Variants in CTSO observed in about 807,000 individuals in gnomAD.
CTSO encodes cathepsin O.
Under a neutral mutation model 42.4 loss-of-function variants are expected in CTSO, and 40 were observed. The ratio of observed to expected loss-of-function variants is 0.94; its 90% CI spans 0.73 to 1.23. The LOEUF is 1.23. Among genes scored for constraint, CTSO ranks in the 50% most tolerant of loss-of-function variants. The probability of loss-of-function intolerance (pLI) is 0.00; values close to 1 mark genes in which losing one functional copy is unlikely to be tolerated. For missense variants in CTSO, 441 were observed against 396.0 expected (o/e 1.11, Z -0.96); for synonymous variants, 156 against 146.2 (o/e 1.07, Z -0.48).
intron 5 of CTSO, among the ~76,000 whole-genome samples, chr4:155,930,918 C>T (rs1743223728): frequency 6.6e-6 from 1 of 152,102 alleles, no homozygotes; most frequent in Admixed American, 6.6e-5. Flanking sequence ...CTGAGACAGG[C>T]AAAATTGTAA....
chr4:155,944,238 GTTTATT>G (rs1743495464), intron 1 of CTSO, among the ~76,000 whole-genome samples: 1 of 152,058 alleles, frequency 6.6e-6, no homozygotes, highest in African/African-American at 2.4e-5. Flanking sequence ...ACTTTAAGCT[GTTTATT>G]TTTAAGTAAA....
chr4:155,943,215 T>G lies in CTSO; in HGVS notation c.185A>C (p.Asn62Thr), dbSNP rs1049401381. Residue 62 changes from asparagine to threonine, a missense_variant, in exon 2 of 8, where the codon AAC becomes ACC. Physicochemically the swap from Asn to Thr is moderately conservative, Grantham distance 65 (BLOSUM62 0). Coordinates refer to ENST00000433477, the MANE Select transcript of CTSO (RefSeq NM_001334.3). ...ATTTATTCCATAGAAGGCGGTGGAG[T>G]TTTCACTGGGAAATAAAGAATTCAA... ...RYLNSLFPSE[N>T]STAFYGINQF... 9 of 1,612,140 alleles carry G rather than the reference T, an allele frequency of 5.6e-6. No homozygotes were observed. Among genetic ancestry groups the G allele is most frequent in the Non-Finnish European group, 7.6e-6 (9 of 1,178,722 alleles).
chr4:155,932,264 A>T (rs1743249825), intron 5 of CTSO, among the ~76,000 whole-genome samples: 1 of 152,112 alleles, frequency 6.6e-6, no homozygotes, highest in African/African-American at 2.4e-5. Flanking sequence ...TTTGGCTGAA[A>T]ACCTAAGACC....
intron 1 of CTSO, among the ~76,000 whole-genome samples, chr4:155,952,589 T>C (rs1020973535): frequency 1.5e-4 from 23 of 152,224 alleles, no homozygotes; most frequent in African/African-American, 5.1e-4. Flanking sequence ...AGAGGACTTC[T>C]GGTTTTGAAA....
At chr4:155,939,260 C>A (rs567310796) in intron 4 of CTSO, 111 bp downstream of exon 4, 1 of 923,230 alleles carries the variant, frequency 1.1e-6, no homozygotes. Context: ...TCTACATTTC[C>A]GAACGTGGAA....
chr4:155,927,790 GT>G (rs1332748716), intron 7 of CTSO, among the ~76,000 whole-genome samples: 1 of 151,660 alleles, frequency 6.6e-6, no homozygotes, highest in Non-Finnish European at 1.5e-5. Flanking sequence ...AAAAAAAGTT[GT>G]CACTCAATAA....
chr4:155,928,734 C>A (rs376238333), intron 6 of CTSO, among the ~76,000 whole-genome samples: 2 of 152,204 alleles, frequency 1.3e-5, no homozygotes, highest in African/African-American at 4.8e-5. Flanking sequence ...CTTTTAGATA[C>A]GTATGATAAA....
intron 1 of CTSO, among the ~76,000 whole-genome samples, chr4:155,945,320 C>G (rs1484713722): frequency 6.6e-6 from 1 of 151,678 alleles, no homozygotes; most frequent in East Asian, 1.9e-4. Context: ...ACCAATTTAC[C>G]AATATTAGGA....
intron 4 of CTSO, among the ~76,000 whole-genome samples, chr4:155,938,443 T>C (rs1016147235): frequency 2.0e-5 from 3 of 152,150 alleles, no homozygotes; most frequent in East Asian, 1.9e-4. Context: ...AGCACCCTCA[T>C]TGGCAAATTT....
intron 5 of CTSO, among the ~76,000 whole-genome samples, chr4:155,935,416 T>C (rs1488313246): frequency 6.6e-6 from 1 of 152,102 alleles, no homozygotes. Context: ...TGTTCTAACA[T>C]GCCAGACATG....
chr4:155,938,000 T>C (rs1743361790), intron 4 of CTSO, among the ~76,000 whole-genome samples: 1 of 152,186 alleles, frequency 6.6e-6, no homozygotes, highest in Non-Finnish European at 1.5e-5. Flanking sequence ...ATATCTTTCC[T>C]TCTCCCTTAC....
At position 155,953,827 on chromosome 4, in the gene CTSO, C is replaced by G; in HGVS notation, c.21G>C (p.Pro7=). ...GCAGCCACAGCAGCCACGGCAGCCA[C>G]GGCAGCGCCCGCACGTCCATTGCGG... MDVRAL[P]WLPWLLWLLC... The change falls in exon 1 of 8, where the codon CCG becomes CCC. Residue 7 remains proline, a synonymous_variant. Transcript: ENST00000433477. 1 of 1,307,860 alleles carries G rather than the reference C, an allele frequency of 7.6e-7. No individual in the cohort carries two copies. Among genetic ancestry groups the G allele is most frequent in the Non-Finnish European group, 9.7e-7 (1 of 1,030,072 alleles). 81.0% of individuals were successfully genotyped at this position (1,307,860 alleles called of 1,614,324 possible).
chr4:155,944,024 C>A (rs78708934), intron 1 of CTSO, among the ~76,000 whole-genome samples: 7 of 152,066 alleles, frequency 4.6e-5, no homozygotes, highest in African/African-American at 7.2e-5. Flanking sequence ...CCAACCCTAG[C>A]GCTTCTACAT....
In CTSO at chr4:155,926,021, G is replaced by C; in HGVS notation, c.*15C>G. 1 of 1,601,384 alleles carries C rather than the reference G, an allele frequency of 6.2e-7. No individual in the cohort carries two copies. The highest frequency in any genetic ancestry group is 8.5e-7 in the Non-Finnish European group (1 of 1,173,062). ...ACCTTCATTTTTGTAGCTGTCTCTT[G>C]ATCTGCCCAACATGTCACACAAATA... On this transcript the variant is annotated 3_prime_UTR_variant, in exon 8 of 8. Transcript: ENST00000433477.
intron 5 of CTSO, among the ~76,000 whole-genome samples, chr4:155,930,466 G>T (rs994948970): frequency 6.6e-6 from 1 of 152,166 alleles, no homozygotes; most frequent in African/African-American, 2.4e-5. Flanking sequence ...TGGACATAAA[G>T]TCTCATATTA....
At chr4:155,942,574 A>C in intron 2 of CTSO, 118 bp from the exon 3 acceptor site, 1 of 360,118 alleles carries the variant, frequency 2.8e-6, no homozygotes, top group Non-Finnish European at 4.2e-6. Context: ...TAGGGAGACA[A>C]CCAATATTAT....
Position 155,928,408 on chromosome 4 carries a change from C to T in CTSO, c.859G>A (p.Val287Met), listed in dbSNP as rs1226480902. Reference protein sequence around the residue: ...DKTGSTPYWIVRNSWGSSWGV... With the variant: ...DKTGSTPYWIMRNSWGSSWGV... The stretch of plus-strand genomic sequence containing the variant: ...CAAGAACTTCCCCAGGAATTCCGCA[C>T]AATCCAATATGGAGTGCTTCCTACA... Residue 287 changes from valine (V) to methionine (M), a missense_variant, in exon 7 of 8, where the codon GTG becomes ATG. Physicochemically the swap from Val to Met is conservative, Grantham distance 21. Coordinates refer to ENST00000433477, the MANE Select transcript of CTSO (RefSeq NM_001334.3). 3 of 1,612,738 alleles carry T rather than the reference C, an allele frequency of 1.9e-6. No homozygotes were observed. Among genetic ancestry groups the T allele is most frequent in the African/African-American group, 1.3e-5 (1 of 74,874 alleles).
In CTSO at chr4:155,925,725, AAAAC is replaced by A; in HGVS notation, c.*307_*310del. ...CAAACAAATAAATAATAAGCAAACA[AAAAC>A]AAACAGTAGCCTTCCCCAGTTGCAG... On this transcript the variant is annotated 3_prime_UTR_variant, in exon 8 of 8. Coordinates refer to ENST00000433477, the MANE Select transcript of CTSO (RefSeq NM_001334.3). 3.0e-6 allele frequency: 1 copy of A among 338,424 alleles called. No homozygotes were observed. The highest frequency in any genetic ancestry group is 2.1e-5 in the African/African-American group (1 of 47,032). 21.0% of individuals were successfully genotyped at this position (338,424 alleles called of 1,614,324 possible). A position where few individuals can be genotyped will look rare whatever the true frequency, so the allele number is the denominator to read the frequency against.
intron 1 of CTSO, among the ~76,000 whole-genome samples, chr4:155,943,476 A>T (rs1743477184): frequency 6.6e-6 from 1 of 152,170 alleles, no homozygotes; most frequent in African/African-American, 2.4e-5. Flanking sequence ...TGAGGCTGAG[A>T]AAAGTGTATT....
Sources: allele counts gnomAD v4.1 joint callset (sites outside exome capture counted in the v4.1 genomes callset), GRCh38; gene constraint gnomAD v4.1.1; transcripts MANE v1.5; gene names NCBI Gene and HGNC (gene_info 2026-07-23, HGNC 2026-07-21).